The following ASB18 variants were observed in gnomAD, a reference collection of about 807,000 sequenced individuals.
The protein encoded by ASB18 is ankyrin repeat and SOCS box protein 18.
In ASB18, 33 loss-of-function variants were observed where a neutral mutation model predicts 33.4. The ratio of observed to expected loss-of-function variants is 0.99; its 90% CI spans 0.75 to 1.32. The LOEUF (loss-of-function observed/expected upper bound fraction) is 1.32, where lower values mean the gene tolerates loss of function less well. Among genes scored for constraint, ASB18 ranks in the 40% most tolerant of loss-of-function variants. ASB18 has a pLI of 0.00. For missense variants in ASB18, 694 were observed against 655.5 expected, an observed-to-expected ratio of 1.06 and a Z score of -0.64; for synonymous variants, 295 against 307.6, an observed-to-expected ratio of 0.96 and a Z score of 0.43.
chr2:236,193,789 A>C lies in ASB18; in HGVS notation c.*1083T>G, dbSNP rs1434089574. Among the ~76,000 whole-genome samples the C allele has an allele frequency of 6.7e-6, 1 of 149,738 alleles. No individual in the cohort carries two copies. The highest frequency in any genetic ancestry group is 1.9e-4 in the East Asian group (1 of 5,192). Reference sequence around the variant, plus strand: ...AACAAACAAACAAACAAACAAAAAAACAAAAAAGAAACAAGACTGATTCCT... The same window carrying C: ...AACAAACAAACAAACAAACAAAAAACCAAAAAAGAAACAAGACTGATTCCT... On this transcript the variant is annotated 3_prime_UTR_variant, in exon 6 of 6. Transcript: ENST00000409749. The surrounding 1 kb of genome is among the most constrained non-coding windows in gnomAD (Gnocchi z 5.0).
At position 236,196,350 on chromosome 2, in the gene ASB18, G is replaced by A. The variant is rs372187489; in HGVS notation, c.1137C>T (p.Ile379=). ...LKTCASVPAV[I]EVLFNSYPQL... is the part of the protein sequence containing the mutation. ...GAGGGTAGGAGTTGAAAAGCACCTC[G>A]ATGACTGCGGGGACAGATGCACAGG... Residue 379 remains isoleucine (I), a synonymous_variant, in exon 5 of 6, where the codon ATC becomes ATT. Transcript: ENST00000409749. This position sits in a 1 kb window ranked among gnomAD's most constrained non-coding sequence, Gnocchi z 5.6. 2.9e-5 allele frequency: 46 copies of A among 1,567,720 alleles called. No homozygotes were observed. The highest frequency in any genetic ancestry group is 1.5e-4 in the South Asian group (13 of 85,070).
chr2:236,208,258 C>T lies in ASB18; in HGVS notation c.1101+6104G>A, dbSNP rs1020360289. Among the ~76,000 whole-genome samples, 2 of 152,122 alleles carry T rather than the reference C, an allele frequency of 1.3e-5. No individual in the cohort carries two copies. The highest frequency in any genetic ancestry group is 6.5e-5 in the Admixed American group (1 of 15,274). ...GGTCTTCCCAGCCCATCTCGCCAGC[C>T]CTGTCCCTCTCTGCGCCCCACACAT... On this transcript the variant is annotated intron_variant, in intron 4 of 5. Transcript: ENST00000409749. The surrounding 1 kb of genome is among the most constrained non-coding windows in gnomAD (Gnocchi z 7.7).
intron 4 of ASB18, among the ~76,000 whole-genome samples, chr2:236,201,952 CTTTAA>C (rs913247782): frequency 1.4e-5 from 2 of 147,404 alleles, no homozygotes; most frequent in Admixed American, 6.7e-5. Flanking sequence ...TCTGCTCATT[CTTTAA>C]TTTTTTTTTT....
Position 236,214,395 on chromosome 2 carries a change from G to A in ASB18, c.1068C>T (p.Gly356=). The A allele has an allele frequency of 2.5e-6, 4 of 1,576,548 alleles. No individual in the cohort carries two copies. Among genetic ancestry groups the A allele is most frequent in the Non-Finnish European group, 3.4e-6 (4 of 1,166,624 alleles). ...AGGCGTCGGGCCACACGGTGGGAGAGCCGTGGTTGAGCAGCGCCTGCACCG... is the reference window on the plus strand; with the variant it reads ...AGGCGTCGGGCCACACGGTGGGAGAACCGTGGTTGAGCAGCGCCTGCACCG... ...QRTVQALLNH[G]SPTVWPDAFP... The change falls in exon 4 of 6, where the codon GGC becomes GGT. Residue 356 remains glycine (G), a synonymous_variant. Transcript: ENST00000409749. The surrounding 1 kb of genome is among the most constrained non-coding windows in gnomAD (Gnocchi z 6.5).
At position 236,200,075 on chromosome 2, in the gene ASB18, G is replaced by A. The variant is rs184630044; in HGVS notation, c.1102-3690C>T. 6.8e-4 allele frequency among the ~76,000 whole-genome samples: 103 copies of A among 152,188 alleles called. No individual in the cohort carries two copies. The highest frequency in any genetic ancestry group is 5.8e-4 in the East Asian group (3 of 5,170). On this transcript the variant is annotated intron_variant, in intron 4 of 5. Coordinates refer to ENST00000409749, the MANE Select transcript of ASB18 (RefSeq NM_212556.4). The surrounding 1 kb of genome is among the most constrained non-coding windows in gnomAD (Gnocchi z 4.2). Reference sequence around the variant, plus strand: ...GAAAAGAGATGGAGAAGCCAGGCACGGTGGCTCACTCCTGTAATTCCAGCA... The same window carrying A: ...GAAAAGAGATGGAGAAGCCAGGCACAGTGGCTCACTCCTGTAATTCCAGCA...
Position 236,250,806 on chromosome 2 carries a change from T to C in ASB18, c.206-9404A>G, listed in dbSNP as rs968652241. 2.6e-5 allele frequency: 4 copies of C among 152,124 alleles called. No individual in the cohort carries two copies. The highest frequency in any genetic ancestry group is 9.7e-5 in the African/African-American group (4 of 41,416). 9.4% of individuals were successfully genotyped at this position (152,124 alleles called of 1,614,324 possible). A position where few individuals can be genotyped will look rare whatever the true frequency, so the allele number is the denominator to read the frequency against. ...GTATATAAAGTTCTGCTTTTAAGAG[T>C]TCCAGGACACATCCATCCACCAGAG... On this transcript the variant is annotated intron_variant, in intron 1 of 5. Coordinates refer to ENST00000409749, the MANE Select transcript of ASB18 (RefSeq NM_212556.4). This position sits in a 1 kb window ranked among gnomAD's most constrained non-coding sequence, Gnocchi z 4.1.
In ASB18 at chr2:236,217,615, C is replaced by T. The variant is rs565132137; in HGVS notation, c.597-2749G>A. Among the ~76,000 whole-genome samples, 1 of 152,270 alleles carries T rather than the reference C, an allele frequency of 6.6e-6. No homozygotes were observed. Among genetic ancestry groups the T allele is most frequent in the East Asian group, 1.9e-4 (1 of 5,174 alleles). ...GCCGCTGCTTTTCCTACTATATTAA[C>T]CTAACTGGGGCTCTGAACAAGATCA... On this transcript the variant is annotated intron_variant, in intron 3 of 5. Coordinates refer to ENST00000409749, the MANE Select transcript of ASB18 (RefSeq NM_212556.4). This position sits in a 1 kb window ranked among gnomAD's most constrained non-coding sequence, Gnocchi z 5.2.
chr2:236,233,697 T>C (rs2060576893), intron 3 of ASB18, among the ~76,000 whole-genome samples: 1 of 152,126 alleles, frequency 6.6e-6, no homozygotes, highest in African/African-American at 2.4e-5. Flanking sequence ...TAGGGATAAA[T>C]CTTACAAAAT....
At position 236,223,426 on chromosome 2, in the gene ASB18, T is replaced by G. The variant is rs2060521966; in HGVS notation, c.597-8560A>C. Among the ~76,000 whole-genome samples the G allele has an allele frequency of 6.6e-6, 1 of 151,880 alleles. No individual in the cohort carries two copies. The highest frequency in any genetic ancestry group is 6.6e-5 in the Admixed American group (1 of 15,246). On this transcript the variant is annotated intron_variant, in intron 3 of 5. Transcript: ENST00000409749. The surrounding 1 kb of genome is among the most constrained non-coding windows in gnomAD (Gnocchi z 4.6). ...AGTGAGTGGAAAGAAAAGGAGGAAA[T>G]GGAAAAGAAAAGACTCTATTAGCTT...
intron 3 of ASB18, among the ~76,000 whole-genome samples, chr2:236,218,458 C>G (rs1462622307): frequency 6.6e-6 from 1 of 152,194 alleles, no homozygotes; most frequent in Admixed American, 6.5e-5. Flanking sequence ...CACCACTGTA[C>G]AGTCCCATTT....
Position 236,215,038 on chromosome 2 carries a change from A to AG in ASB18, c.597-173_597-172insC, listed in dbSNP as rs1553600356. 2.7e-3 allele frequency among the ~76,000 whole-genome samples: 408 copies of AG among 150,950 alleles called. 3 individuals are homozygous for AG. Among genetic ancestry groups the AG allele is most frequent in the African/African-American group, 9.3e-3 (380 of 40,646 alleles). On this transcript the variant is annotated intron_variant, in intron 3 of 5. Transcript: ENST00000409749. This position sits in a 1 kb window ranked among gnomAD's most constrained non-coding sequence, Gnocchi z 7.2. ...TAAACTGGAAAAAAAAAAAAAAAAAAAGAGATTATGGCAAAACCAGCTCCT... is the reference window on the plus strand; with the variant it reads ...TAAACTGGAAAAAAAAAAAAAAAAAAGAGAGATTATGGCAAAACCAGCTCCT...
At chr2:236,210,071 G>T (rs902249645) in intron 4 of ASB18, among the ~76,000 whole-genome samples, 2 of 152,178 alleles carry the variant, frequency 1.3e-5, no homozygotes, top group African/African-American at 4.8e-5. Context: ...CGGCTTTGCA[G>T]CACTTCTCAC....
chr2:236,236,963 G>T (rs6731967), intron 3 of ASB18, among the ~76,000 whole-genome samples: 1 of 151,994 alleles, frequency 6.6e-6, no homozygotes, highest in Non-Finnish European at 1.5e-5. Flanking sequence ...TGCAAAGACA[G>T]GTGGCCCCGC....
Position 236,238,042 on chromosome 2 carries a change from G to T in ASB18, c.329-86C>A. On this transcript the variant is annotated intron_variant, in intron 2 of 5. Transcript: ENST00000409749. This position sits in a 1 kb window ranked among gnomAD's most constrained non-coding sequence, Gnocchi z 5.2. Reference sequence around the variant, plus strand: ...GTGTTCCTTAAGGCGGAAAGAAAGTGAAGCCGTCTCTTAAAGGTAGGTACC... The same window carrying T: ...GTGTTCCTTAAGGCGGAAAGAAAGTTAAGCCGTCTCTTAAAGGTAGGTACC... The T allele has an allele frequency of 8.3e-7, 1 of 1,210,138 alleles. No homozygotes were observed. The allele number at this position is 1,210,138 out of a possible 1,614,324, so 75.0% of individuals were successfully genotyped here. A position where few individuals can be genotyped will look rare whatever the true frequency, so the allele number is the denominator to read the frequency against.
Position 236,264,174 on chromosome 2 carries a change from G to C in ASB18, c.172C>G (p.Pro58Ala), listed in dbSNP as rs2060735052. ...ELANDDWMKD[P>A]SAQLPTGMLL... ...ATGCCGGTGGGCAGCTGAGCCGAGG[G>C]GTCTTTCATCCAGTCGTCATTGGCC... Residue 58 changes from proline to alanine, a missense_variant, in exon 1 of 6, where the codon CCC (proline) becomes GCC (alanine). Physicochemically the swap from Pro to Ala is conservative, Grantham distance 27. Coordinates refer to ENST00000409749, the MANE Select transcript of ASB18 (RefSeq NM_212556.4). This position sits in a 1 kb window ranked among gnomAD's most constrained non-coding sequence, Gnocchi z 5.1. The C allele has an allele frequency of 6.2e-7, 1 of 1,613,670 alleles. No individual in the cohort carries two copies. The highest frequency in any genetic ancestry group is 1.1e-5 in the South Asian group (1 of 91,066).
In ASB18 at chr2:236,251,391, T is replaced by C. The variant is rs2060668588; in HGVS notation, c.206-9989A>G. Among the ~76,000 whole-genome samples the C allele has an allele frequency of 1.3e-5, 2 of 152,276 alleles. No homozygotes were observed. The highest frequency in any genetic ancestry group is 4.1e-4 in the South Asian group (2 of 4,822). ...TGACGAAGTTTCTTTACAACTGGCG[T>C]GGGGATTTAATTACATGATAAAATT... On this transcript the variant is annotated intron_variant, in intron 1 of 5. Transcript: ENST00000409749. The surrounding 1 kb of genome is among the most constrained non-coding windows in gnomAD (Gnocchi z 5.3).
rs2060556910 is a variant in ASB18 at position 236,229,912 on chromosome 2, T to A, written c.596+7777A>T. ...AACCAAATTGCTTAAAACCAGTGATTAGAGAAAATCTTAAAGCCAGATAAA... is the reference window on the plus strand; with the variant it reads ...AACCAAATTGCTTAAAACCAGTGATAAGAGAAAATCTTAAAGCCAGATAAA... On this transcript the variant is annotated intron_variant, in intron 3 of 5. Coordinates refer to ENST00000409749, the MANE Select transcript of ASB18 (RefSeq NM_212556.4). This position sits in a 1 kb window ranked among gnomAD's most constrained non-coding sequence, Gnocchi z 5.2. Among the ~76,000 whole-genome samples the A allele has an allele frequency of 6.6e-6, 1 of 151,970 alleles. No individual in the cohort carries two copies. Among genetic ancestry groups the A allele is most frequent in the South Asian group, 2.1e-4 (1 of 4,812 alleles).
Position 236,203,916 on chromosome 2 carries a change from C to T in ASB18, c.1102-7531G>A, listed in dbSNP as rs960950876. ...CCAACCAACCAACCAACCAACCAAA[C>T]AAGGACATATCACCAAGGCTGGATC... On this transcript the variant is annotated intron_variant, in intron 4 of 5. Coordinates refer to ENST00000409749, the MANE Select transcript of ASB18 (RefSeq NM_212556.4). The surrounding 1 kb of genome is among the most constrained non-coding windows in gnomAD (Gnocchi z 6.0). Among the ~76,000 whole-genome samples, 4 of 151,998 alleles carry T rather than the reference C, an allele frequency of 2.6e-5. No homozygotes were observed. In the East Asian group the frequency reaches 7.7e-4, roughly 29 times the overall value.
At chr2:236,232,069 T>TA (rs1333421278) in intron 3 of ASB18, among the ~76,000 whole-genome samples, 2 of 152,230 alleles carry the variant, frequency 1.3e-5, no homozygotes, top group African/African-American at 4.8e-5. Context: ...TCTTTTCTAG[T>TA]ATACATGAAA....
Sources: allele counts gnomAD v4.1 joint callset (sites outside exome capture counted in the v4.1 genomes callset), GRCh38; gene constraint gnomAD v4.1.1; non-coding constraint Gnocchi (gnomAD v3.1); transcripts MANE v1.5; gene names NCBI Gene and HGNC (gene_info 2026-07-23, HGNC 2026-07-21).